Variants in UNG observed in about 807,000 individuals in gnomAD.
UNG encodes uracil-DNA glycosylase.
Under a neutral mutation model 36.5 loss-of-function variants are expected in UNG, and 34 were observed. The observed-to-expected ratio is 0.93, with a 90% CI of 0.71 to 1.24. The LOEUF is 1.24. UNG is among the 50% of genes most tolerant of loss of function. The pLI, the probability that UNG is intolerant of heterozygous loss-of-function variation, is 0.00. For missense variants in UNG, 391 were observed against 397.6 expected (o/e 0.98, Z 0.14); for synonymous variants, 172 against 157.8 (o/e 1.09, Z -0.67).
At chr12:109,103,699 G>A (rs767000596) in intron 6 of UNG, 88 bp downstream of exon 6, 1 of 1,401,886 alleles carries the variant, frequency 7.1e-7, no homozygotes, top group Non-Finnish European at 9.7e-7. Flanking sequence ...GCTGTGTTTG[G>A]TCCTGGAAAA....
Position 109,097,665 on chromosome 12 carries a change from C to T in UNG, c.-15C>T. The T allele has an allele frequency of 6.2e-7, 1 of 1,603,922 alleles. No homozygotes were observed. Among genetic ancestry groups the T allele is most frequent in the Non-Finnish European group, 8.5e-7 (1 of 1,175,262 alleles). Reference sequence around the variant, plus strand: ...TTCCCGGGTGGCGCGCGTTCGCTGCCTCCTCAGCTCCAGGATGATCGGCCA... The same window carrying T: ...TTCCCGGGTGGCGCGCGTTCGCTGCTTCCTCAGCTCCAGGATGATCGGCCA... On this transcript the variant is annotated 5_prime_UTR_variant, in exon 1 of 7. Coordinates refer to ENST00000242576, the MANE Select transcript of UNG (RefSeq NM_080911.3).
intron 6 of UNG, among the ~76,000 whole-genome samples, chr12:109,104,365 A>G (rs1209029688): frequency 6.6e-6 from 1 of 151,972 alleles, no homozygotes; most frequent in African/African-American, 2.4e-5. Context: ...GATCATTATT[A>G]ACCCCAAGGT....
chr12:109,097,724 C>T lies in UNG; in HGVS notation c.45C>T (p.Pro15=), dbSNP rs939282895. Residue 15 remains proline, a synonymous_variant, in exon 1 of 7, where the codon CCC becomes CCT. Transcript: ENST00000242576. ...TCTACTCCTTTTTCTCCCCCAGCCC[C>T]GCCAGGAAGCGACACGCCCCCAGCC... ...KTLYSFFSPS[P]ARKRHAPSPE... is the part of the protein sequence containing the mutation. The T allele has an allele frequency of 6.3e-7, 1 of 1,590,906 alleles. No homozygotes were observed. Among genetic ancestry groups the T allele is most frequent in the African/African-American group, 1.3e-5 (1 of 74,160 alleles).
chr12:109,108,273 G>T (rs146400570), intron 6 of UNG, among the ~76,000 whole-genome samples: 1 of 151,942 alleles, frequency 6.6e-6, no homozygotes, highest in Non-Finnish European at 1.5e-5. Context: ...GATTTTTTTC[G>T]ACTTTACAAT....
Position 109,097,981 on chromosome 12 carries a change from A to C in UNG, c.132+170A>C, listed in dbSNP as rs963118331. Reference sequence around the variant, plus strand: ...CCGCCGCTGTCCCCCATGGGCCGCCATGCTAAAGGGCCAGCCAATGGGAAC... The same window carrying C: ...CCGCCGCTGTCCCCCATGGGCCGCCCTGCTAAAGGGCCAGCCAATGGGAAC... On this transcript the variant is annotated intron_variant, in intron 1 of 6. Coordinates refer to ENST00000242576, the MANE Select transcript of UNG (RefSeq NM_080911.3). 7 of 1,254,896 alleles carry C rather than the reference A, an allele frequency of 5.6e-6. No individual in the cohort carries two copies. In the South Asian group the frequency reaches 8.4e-5, roughly 15 times the overall value. The allele number at this position is 1,254,896 out of a possible 1,614,324, so 77.7% of individuals were successfully genotyped here. A position where few individuals can be genotyped will look rare whatever the true frequency, so the allele number is the denominator to read the frequency against.
rs1175987392 is a variant in UNG at position 109,099,262 on chromosome 12, C to T, written c.413C>T (p.Thr138Ile). ...YPPPHQVFTW[T>I]QMCDIKDVKV... is the part of the protein sequence containing the mutation. ...CCCCCACACCAAGTCTTCACCTGGACCCAGATGTGTGACATAAAAGATGTA... is the reference window on the plus strand; with the variant it reads ...CCCCCACACCAAGTCTTCACCTGGATCCAGATGTGTGACATAAAAGATGTA... The change falls in exon 3 of 7, where the codon ACC (threonine) becomes ATC (isoleucine). Residue 138 changes from threonine (T) to isoleucine (I), a missense_variant. Transcript: ENST00000242576. The T allele has an allele frequency of 3.1e-6, 5 of 1,613,940 alleles. No individual in the cohort carries two copies. The highest frequency in any genetic ancestry group is 1.1e-5 in the South Asian group (1 of 91,078).
chr12:109,107,406 G>C (rs1008090632), intron 6 of UNG, among the ~76,000 whole-genome samples: 1 of 151,442 alleles, frequency 6.6e-6, no homozygotes, highest in Non-Finnish European at 1.5e-5. Flanking sequence ...GTTTCACCAC[G>C]TTGCCCAGGC....
chr12:109,109,204 G>T (rs2042241228), intron 6 of UNG, among the ~76,000 whole-genome samples: 1 of 152,156 alleles, frequency 6.6e-6, no homozygotes, highest in South Asian at 2.1e-4. Flanking sequence ...GTGTGTGTAT[G>T]CATCATGGTG....
chr12:109,110,148 A>C lies in UNG; in HGVS notation c.*179A>C. 7 of 745,534 alleles carry C rather than the reference A, an allele frequency of 9.4e-6. No individual in the cohort carries two copies. The highest frequency in any genetic ancestry group is 2.7e-5 in the East Asian group (1 of 36,432). The allele number at this position is 745,534 out of a possible 1,614,324, so 46.2% of individuals were successfully genotyped here. A position where few individuals can be genotyped will look rare whatever the true frequency, so the allele number is the denominator to read the frequency against. Reference sequence around the variant, plus strand: ...CAGCTGTATCCAACCACAAACAACAAAGGCTACCCTTTGACCAAATGTCTT... The same window carrying C: ...CAGCTGTATCCAACCACAAACAACACAGGCTACCCTTTGACCAAATGTCTT... On this transcript the variant is annotated 3_prime_UTR_variant, in exon 7 of 7. Transcript: ENST00000242576.
chr12:109,102,093 C>A (rs540731102), intron 4 of UNG, 94 bp downstream of exon 4: 2 of 1,135,778 alleles, frequency 1.8e-6, no homozygotes, highest in African/African-American at 3.1e-5. Context: ...GGGCACTGTT[C>A]ACTAGCCTTG....
Position 109,103,437 on chromosome 12 carries a change from T to TCTCCTTCTCAACGCTGTC in UNG, c.631_648dup (p.Leu211_Leu216dup). 1.2e-6 allele frequency: 2 copies of TCTCCTTCTCAACGCTGTC among 1,614,134 alleles called. No homozygotes were observed. Among genetic ancestry groups the TCTCCTTCTCAACGCTGTC allele is most frequent in the Non-Finnish European group, 1.7e-6 (2 of 1,180,014 alleles). On this transcript the variant is annotated inframe_insertion, in exon 6 of 7. Coordinates refer to ENST00000242576, the MANE Select transcript of UNG (RefSeq NM_080911.3). ...CTGTTTCTCTCATGTGTATAGGTGT[T>TCTCCTTCTCAACGCTGTC]CTCCTTCTCAACGCTGTCCTCACGG...
At position 109,097,653 on chromosome 12, in the gene UNG, C is replaced by T. The variant is rs967404289; in HGVS notation, c.-27C>T. 5 of 1,600,838 alleles carry T rather than the reference C, an allele frequency of 3.1e-6. No individual in the cohort carries two copies. The highest frequency in any genetic ancestry group is 4.3e-6 in the Non-Finnish European group (5 of 1,173,668). ...TAGCCTCGCCGGTTCCCGGGTGGCG[C>T]GCGTTCGCTGCCTCCTCAGCTCCAG... On this transcript the variant is annotated 5_prime_UTR_variant, in exon 1 of 7. Transcript: ENST00000242576.
chr12:109,098,559 C>T lies in UNG; in HGVS notation c.260C>T (p.Ala87Val), dbSNP rs767034552. 10 of 1,613,130 alleles carry T rather than the reference C, an allele frequency of 6.2e-6. No homozygotes were observed. In the African/African-American group the frequency reaches 1.1e-4, roughly 17 times the overall value. The change falls in exon 2 of 7, where the codon GCC (alanine) becomes GTC (valine). Residue 87 changes from alanine (A) to valine (V), a missense_variant. By Grantham distance (64) the Ala-to-Val change is moderately conservative (BLOSUM62 0). Transcript: ENST00000242576. ...NKAAALLRLA[A>V]RNVPVGFGES... ...GCCGCGGCCCTGCTCAGACTCGCGG[C>T]CCGCAACGTGCCCGTGGGCTTTGGA...
chr12:109,107,661 G>A (rs1484009902), intron 6 of UNG, among the ~76,000 whole-genome samples: 1 of 151,606 alleles, frequency 6.6e-6, no homozygotes, highest in African/African-American at 2.4e-5. Flanking sequence ...GAGTAGCTGG[G>A]ATTACAGGCA....
chr12:109,101,865 C>A, intron 3 of UNG, 37 bp from the exon 4 acceptor site: 1 of 1,558,126 alleles, frequency 6.4e-7, no homozygotes. Context: ...GCTTACATTA[C>A]AGTATTGTTT....
Position 109,103,424 on chromosome 12 carries a change from T to C in UNG, c.623-9T>C, listed in dbSNP as rs745983593. 5 of 1,613,652 alleles carry C rather than the reference T, an allele frequency of 3.1e-6. No individual in the cohort carries two copies. The highest frequency in any genetic ancestry group is 1.7e-5 in the Admixed American group (1 of 60,000). ...GCCTACATTTAACCTGTTTCTCTCA[T>C]GTGTATAGGTGTTCTCCTTCTCAAC... is the stretch of plus-strand genomic sequence containing the variant. On this transcript the variant is annotated splice_polypyrimidine_tract_variant and intron_variant, in intron 5 of 6. Coordinates refer to ENST00000242576, the MANE Select transcript of UNG (RefSeq NM_080911.3).
At chr12:109,097,958 G>T in intron 1 of UNG, 147 bp downstream of exon 1, 4 of 1,288,484 alleles carry the variant, frequency 3.1e-6, no homozygotes, top group Non-Finnish European at 4.1e-6. Context: ...CAAAATAGCC[G>T]CCGCTGTCCC....
rs551612599 is a variant in UNG, at chr12:109,110,024, C to G, written c.*55C>G. ...CTGCTGTTAACGTATTTGCCAGTTA[C>G]GAAGTTCCACTGAAAATTTTCCTAT... On this transcript the variant is annotated 3_prime_UTR_variant, in exon 7 of 7. Transcript: ENST00000242576. 6.2e-7 allele frequency: 1 copy of G among 1,612,506 alleles called. No homozygotes were observed. Among genetic ancestry groups the G allele is most frequent in the Non-Finnish European group, 8.5e-7 (1 of 1,179,390 alleles).
intron 6 of UNG, among the ~76,000 whole-genome samples, chr12:109,106,524 T>C (rs1432342374): frequency 6.6e-6 from 1 of 152,130 alleles, no homozygotes; most frequent in East Asian, 1.9e-4. Flanking sequence ...ATAGTTGATA[T>C]TTTAAAAAAA....
Sources: gnomAD v4.1 joint callset for allele counts (sites outside exome capture counted in the v4.1 genomes callset) on GRCh38, gnomAD v4.1.1 for gene constraint, MANE v1.5 for transcripts, NCBI Gene and HGNC (gene_info 2026-07-23, HGNC 2026-07-21) for gene names.